The following KLHL1 variants were observed in gnomAD, a reference collection of about 807,000 sequenced individuals.
KLHL1 encodes the protein kelch like family member 1, also known as kelch-like protein 1.
Under a neutral mutation model 77.7 loss-of-function variants are expected in KLHL1, and 47 were observed. The ratio of observed to expected loss-of-function variants is 0.60; its 90% confidence interval spans 0.48 to 0.77. The LOEUF (loss-of-function observed/expected upper bound fraction) is 0.77, where lower values mean the gene tolerates loss of function less well. Among genes scored for constraint, KLHL1 ranks in the 30% least tolerant of loss-of-function variants. The pLI is 0.00. For missense variants in KLHL1, 925 were observed against 910.8 expected (o/e 1.02, Z -0.20); for synonymous variants, 360 against 325.2 (o/e 1.11, Z -1.15).
intron 6 of KLHL1, among the ~76,000 whole-genome samples, chr13:69,806,354 AC>A (rs1171013969): frequency 6.6e-6 from 1 of 152,160 alleles, no homozygotes; most frequent in Non-Finnish European, 1.5e-5. Context: ...GTCTAATAAA[AC>A]CTTAAGAGAA....
At chr13:70,048,599 C>T (rs1001268448) in intron 1 of KLHL1, among the ~76,000 whole-genome samples, 2 of 152,134 alleles carry the variant, frequency 1.3e-5, no homozygotes, top group Admixed American at 6.5e-5. Flanking sequence ...GAAGCGGGGG[C>T]GGTTTCATCA....
chr13:70,039,219 C>T (rs746537543), intron 1 of KLHL1, among the ~76,000 whole-genome samples: 1 of 151,604 alleles, frequency 6.6e-6, no homozygotes. Flanking sequence ...CAGGTGCACA[C>T]CAGCATGCCC....
chr13:69,958,702 T>C (rs1422673391), intron 3 of KLHL1, among the ~76,000 whole-genome samples: 1 of 151,548 alleles, frequency 6.6e-6, no homozygotes, highest in African/African-American at 2.4e-5. Flanking sequence ...TAGTTGATCC[T>C]CCTTAGTTTC....
At chr13:69,858,251 C>T (rs181335573) in intron 5 of KLHL1, among the ~76,000 whole-genome samples, 122 of 152,192 alleles carry the variant, frequency 8.0e-4, no homozygotes, top group African/African-American at 2.8e-3. Context: ...CTTCAACTGA[C>T]ACCCTCTTGG....
At chr13:70,015,259 C>A (rs903658246) in intron 1 of KLHL1, among the ~76,000 whole-genome samples, 1 of 152,036 alleles carries the variant, frequency 6.6e-6, no homozygotes, top group African/African-American at 2.4e-5. Context: ...TATGATATAA[C>A]CTACTCCTCC....
At chr13:69,938,802 T>C (rs1242997648) in intron 4 of KLHL1, among the ~76,000 whole-genome samples, 1 of 152,114 alleles carries the variant, frequency 6.6e-6, no homozygotes, top group Non-Finnish European at 1.5e-5. Flanking sequence ...TTTATTTCTA[T>C]ATTTTCATTT....
intron 1 of KLHL1, among the ~76,000 whole-genome samples, chr13:69,994,032 T>C (rs1351539657): frequency 1.3e-5 from 2 of 151,690 alleles, no homozygotes; most frequent in Non-Finnish European, 2.9e-5. Flanking sequence ...AGAGTGTAGA[T>C]TGGGATTGAG....
intron 6 of KLHL1, among the ~76,000 whole-genome samples, chr13:69,822,213 A>G (rs866871035): frequency 2.6e-5 from 4 of 151,536 alleles, no homozygotes; most frequent in African/African-American, 7.3e-5. Flanking sequence ...AAAAAAAAAA[A>G]AGAGAACAGT....
chr13:69,773,616 C>A (rs182391436), intron 7 of KLHL1, among the ~76,000 whole-genome samples: 2 of 151,974 alleles, frequency 1.3e-5, no homozygotes, highest in East Asian at 3.9e-4. Context: ...CACCCTCTAA[C>A]TCCTACATTA....
chr13:69,734,716 A>G (rs768212533), intron 8 of KLHL1, among the ~76,000 whole-genome samples: 4 of 152,134 alleles, frequency 2.6e-5, no homozygotes, highest in African/African-American at 4.8e-5. Flanking sequence ...AATACTAAAT[A>G]AATGATTTGT....
intron 7 of KLHL1, among the ~76,000 whole-genome samples, chr13:69,789,429 T>C (rs557029263): frequency 6.6e-6 from 1 of 152,104 alleles, no homozygotes; most frequent in Non-Finnish European, 1.5e-5. Flanking sequence ...AGTCGAGGAA[T>C]CTGAGATTAA....
chr13:69,922,086 GC>G (rs1882660526), intron 4 of KLHL1, among the ~76,000 whole-genome samples: 1 of 151,866 alleles, frequency 6.6e-6, no homozygotes, highest in Non-Finnish European at 1.5e-5. Context: ...ACACGACAGT[GC>G]CTGGCTAAGT....
intron 3 of KLHL1, among the ~76,000 whole-genome samples, chr13:69,942,043 A>T (rs928553239): frequency 1.4e-4 from 21 of 152,090 alleles, no homozygotes; most frequent in Non-Finnish European, 8.8e-5. Flanking sequence ...GTTGGTGCCA[A>T]TCTTACTGAA....
intron 5 of KLHL1, among the ~76,000 whole-genome samples, chr13:69,855,341 TAGATAGAC>T (rs1409833605): frequency 0.014 from 871 of 60,082 alleles, 14 homozygotes; most frequent in African/African-American, 0.045. Flanking sequence ...GATAGATAGA[TAGATAGAC>T]AGACAGATAG....
chr13:69,979,242 A>C (rs1566467333), intron 1 of KLHL1, among the ~76,000 whole-genome samples: 1 of 151,462 alleles, frequency 6.6e-6, no homozygotes, highest in Non-Finnish European at 1.5e-5. Flanking sequence ...AAGTTTCTTC[A>C]TATTGTATCT....
At chr13:69,743,738 A>G (rs1177022618) in intron 7 of KLHL1, among the ~76,000 whole-genome samples, 1 of 150,916 alleles carries the variant, frequency 6.6e-6, no homozygotes, top group Non-Finnish European at 1.5e-5. Context: ...GTGAGCCAAG[A>G]TTGTGCCACT....
chr13:69,740,596 T>G, intron 7 of KLHL1, 40 bp from the exon 8 acceptor site: 1 of 1,456,442 alleles, frequency 6.9e-7, no homozygotes, highest in East Asian at 2.3e-5. Flanking sequence ...CTATAGTTAA[T>G]ATCATATTGT....
At chr13:69,870,836 T>C (rs1880553118) in intron 5 of KLHL1, among the ~76,000 whole-genome samples, 1 of 151,852 alleles carries the variant, frequency 6.6e-6, no homozygotes, top group African/African-American at 2.4e-5. Context: ...GGCACACTAG[T>C]GTGAGAGGTG....
rs570360361 is a variant in KLHL1 at position 70,003,113 on chromosome 13, AAAAC to A, written c.498-27315_498-27312del. ...TATTCAATTCCAAAGAGTAAAAAGG[AAAAC>A]AAATATGTGAAAATATGTTCAAACT... On this transcript the variant is annotated intron_variant, in intron 1 of 10. Coordinates refer to ENST00000377844, the MANE Select transcript of KLHL1 (RefSeq NM_020866.3). 2.3e-3 allele frequency among the ~76,000 whole-genome samples: 349 copies of A among 151,852 alleles called. 2 individuals carry two copies. The highest frequency in any genetic ancestry group is 7.9e-3 in the African/African-American group (329 of 41,526).
Sources: allele counts gnomAD v4.1 joint callset (sites outside exome capture counted in the v4.1 genomes callset), GRCh38; gene constraint gnomAD v4.1.1; transcripts MANE v1.5; gene names NCBI Gene and HGNC (gene_info 2026-07-23, HGNC 2026-07-21).